MYO10: variants seen among roughly 807,000 people sequenced by gnomAD.
MYO10 encodes unconventional myosin-X.
MYO10 carries 133 observed loss-of-function variants against 257.3 expected under a neutral mutation model. The observed-to-expected ratio is 0.52, with a 90% CI of 0.45 to 0.60. The LOEUF is 0.60. Among genes scored for constraint, MYO10 ranks in the 20% least tolerant of loss-of-function variants. The probability of loss-of-function intolerance (pLI) is 0.00; values close to 1 mark genes in which losing one functional copy is unlikely to be tolerated. For missense variants in MYO10, 2,399 were observed against 2,635.7 expected, an observed-to-expected ratio of 0.91 and a Z score of 1.97; for synonymous variants, 1,104 against 1,028.6, an observed-to-expected ratio of 1.07 and a Z score of -1.40.
At chr5:16,812,254 G>A (rs1742464067) in intron 3 of MYO10, among the ~76,000 whole-genome samples, 1 of 152,194 alleles carries the variant, frequency 6.6e-6, no homozygotes, top group African/African-American at 2.4e-5. Context: ...GGGGTTCCAG[G>A]AAGAGAATCT....
intron 3 of MYO10, among the ~76,000 whole-genome samples, chr5:16,796,186 CAAAA>C (rs796981409): frequency 2.0e-5 from 1 of 48,810 alleles, no homozygotes. Flanking sequence ...GAGACTCTGT[CAAAA>C]AAAAAAAAAA....
intron 27 of MYO10, among the ~76,000 whole-genome samples, chr5:16,692,543 T>C (rs1737555928): frequency 6.6e-6 from 1 of 152,228 alleles, no homozygotes; most frequent in Non-Finnish European, 1.5e-5. Flanking sequence ...TGTGATTATG[T>C]ATTAGAATGT....
chr5:16,718,295 C>T (rs1001975818), intron 19 of MYO10, among the ~76,000 whole-genome samples: 11 of 152,178 alleles, frequency 7.2e-5, no homozygotes, highest in African/African-American at 2.2e-4. Context: ...CCCTGCTCCA[C>T]GGCGCCCAGT....
At chr5:16,723,047 G>A (rs1739214403) in intron 19 of MYO10, among the ~76,000 whole-genome samples, 1 of 152,166 alleles carries the variant, frequency 6.6e-6, no homozygotes, top group African/African-American at 2.4e-5. Flanking sequence ...AGGCTAATAA[G>A]CATATGAAAA....
Position 16,701,553 on chromosome 5 carries a change from C to T in MYO10, c.2842G>A (p.Asp948Asn), listed in dbSNP as rs376668622. The T allele has an allele frequency of 5.8e-5, 93 of 1,613,806 alleles. No homozygotes were observed. Among genetic ancestry groups the T allele is most frequent in the Non-Finnish European group, 7.3e-5 (86 of 1,179,892 alleles). Residue 948 changes from aspartate (D) to asparagine (N), a missense_variant, in exon 25 of 41, where the codon GAC becomes AAC. Asp to Asn is a conservative substitution (Grantham distance 23, BLOSUM62 1). Transcript: ENST00000513610. The surrounding 1 kb of genome is among the most constrained non-coding windows in gnomAD (Gnocchi z 8.1). ...AQEFLESLNF[D>N]EIDECVRNIE... Reference sequence around the variant, plus strand: ...TTCCGGACACACTCGTCGATCTCGTCGAAATTGAGGGACTCGAGGAACTCC... The same window carrying T: ...TTCCGGACACACTCGTCGATCTCGTTGAAATTGAGGGACTCGAGGAACTCC...
rs1560979466 is a variant in MYO10 at position 16,777,839 on chromosome 5, C to CCTTTTTTTTTTTTTTTTTT, written c.930+1705_930+1706insAAAAAAAAAAAAAAAAAAG. The stretch of plus-strand genomic sequence containing the variant: ...GCCACCCTAGGTGCATTGCATCTAA[C>CCTTTTTTTTTTTTTTTTTT]TTTTTTTTTTTTTTTTTTTTTTTTT... On this transcript the variant is annotated intron_variant, in intron 9 of 40. Coordinates refer to ENST00000513610, the MANE Select transcript of MYO10 (RefSeq NM_012334.3). Among the ~76,000 whole-genome samples, 34 of 88,480 alleles carry CCTTTTTTTTTTTTTTTTTT rather than the reference C, an allele frequency of 3.8e-4. 3 individuals are homozygous for CCTTTTTTTTTTTTTTTTTT. Among genetic ancestry groups the CCTTTTTTTTTTTTTTTTTT allele is most frequent in the African/African-American group, 9.6e-4 (18 of 18,654 alleles). The allele number at this position is 88,480 out of a possible 152,430, so 58.0% of individuals were successfully genotyped here.
chr5:16,786,341 T>C (rs1741579607), intron 4 of MYO10, among the ~76,000 whole-genome samples: 1 of 152,096 alleles, frequency 6.6e-6, no homozygotes, highest in African/African-American at 2.4e-5. Context: ...GTATGACACA[T>C]TGAGAAAAAA....
chr5:16,737,885 T>C (rs1430684483), intron 19 of MYO10, among the ~76,000 whole-genome samples: 2 of 152,176 alleles, frequency 1.3e-5, no homozygotes, highest in Admixed American at 1.3e-4. Flanking sequence ...CCCTGACTTA[T>C]CCTGATACAT....
chr5:16,698,895 T>C (rs1737894074), intron 26 of MYO10, among the ~76,000 whole-genome samples: 1 of 152,026 alleles, frequency 6.6e-6, no homozygotes, highest in South Asian at 2.1e-4. Flanking sequence ...AGTGCTGGGA[T>C]TACAGGCGTG....
At chr5:16,816,309 A>T (rs1742605474) in intron 3 of MYO10, among the ~76,000 whole-genome samples, 1 of 143,540 alleles carries the variant, frequency 7.0e-6, no homozygotes, top group Admixed American at 7.1e-5. Context: ...AGTGCACTCC[A>T]GCCTGGTGAC....
intron 39 of MYO10, among the ~76,000 whole-genome samples, chr5:16,669,514 C>T (rs1736343687): frequency 6.6e-6 from 1 of 152,192 alleles, no homozygotes; most frequent in Non-Finnish European, 1.5e-5. Flanking sequence ...AAGCCAGTAG[C>T]TTTCTATGCT....
chr5:16,864,714 G>T (rs1476127514), intron 2 of MYO10, among the ~76,000 whole-genome samples: 1 of 152,264 alleles, frequency 6.6e-6, no homozygotes, highest in South Asian at 2.1e-4. Context: ...ACAAGCAGAC[G>T]AGTTTTTTTT....
chr5:16,846,951 T>C (rs1743651411), intron 2 of MYO10, among the ~76,000 whole-genome samples: 1 of 150,592 alleles, frequency 6.6e-6, no homozygotes, highest in Non-Finnish European at 1.5e-5. Flanking sequence ...AACCCCATCT[T>C]TACTAAAAAT....
At chr5:16,831,514 A>G (rs1743161741) in intron 2 of MYO10, among the ~76,000 whole-genome samples, 1 of 152,142 alleles carries the variant, frequency 6.6e-6, no homozygotes, top group Non-Finnish European at 1.5e-5. Flanking sequence ...TGTGGTATAT[A>G]TATATACAAT....
chr5:16,702,044 A>C (rs1289959365), intron 24 of MYO10, among the ~76,000 whole-genome samples: 4 of 152,248 alleles, frequency 2.6e-5, no homozygotes, highest in African/African-American at 9.6e-5. Flanking sequence ...AGTTAAAATG[A>C]GTTCACTAGG....
intron 37 of MYO10, among the ~76,000 whole-genome samples, chr5:16,672,374 A>G (rs1382369417): frequency 1.3e-5 from 2 of 151,968 alleles, no homozygotes; most frequent in African/African-American, 4.8e-5. Flanking sequence ...GCTTCAGTCA[A>G]TCAGCCCAAT....
intron 29 of MYO10, 91 bp downstream of exon 29, chr5:16,685,647 A>G (rs961126629): frequency 1.0e-6 from 1 of 975,660 alleles, no homozygotes; most frequent in Non-Finnish European, 1.6e-6. Flanking sequence ...CTGTCTGGAA[A>G]TTCCCAATCT....
At chr5:16,862,409 C>T (rs764297720) in intron 2 of MYO10, among the ~76,000 whole-genome samples, 4 of 152,138 alleles carry the variant, frequency 2.6e-5, no homozygotes, top group Non-Finnish European at 4.4e-5. Context: ...CACAGACAGA[C>T]AATTGCCTGT....
chr5:16,815,448 T>G lies in MYO10; in HGVS notation c.279+2561A>C, dbSNP rs1172740630. ...ATTTGGAGTTTTTGGATTAGGTATATTCAACCTATCTGCACCTACAAGAGA... is the reference window on the plus strand; with the variant it reads ...ATTTGGAGTTTTTGGATTAGGTATAGTCAACCTATCTGCACCTACAAGAGA... On this transcript the variant is annotated intron_variant, in intron 3 of 40. Transcript: ENST00000513610. 8 of 701,544 alleles carry G rather than the reference T, an allele frequency of 1.1e-5. No homozygotes were observed. The Admixed American group carries it at 1.6e-4, about 14-fold the overall frequency. 43.5% of individuals were successfully genotyped at this position (701,544 alleles called of 1,614,324 possible).
Sources: gnomAD v4.1 joint callset for allele counts (sites outside exome capture counted in the v4.1 genomes callset) on GRCh38, gnomAD v4.1.1 for gene constraint, Gnocchi (gnomAD v3.1) non-coding constraint, MANE v1.5 for transcripts, NCBI Gene and HGNC (gene_info 2026-07-23, HGNC 2026-07-21) for gene names.